Variants in CCDC50 observed in about 807,000 individuals in gnomAD.
CCDC50 encodes the protein coiled-coil domain containing 50, also known as coiled-coil domain-containing protein 50.
In CCDC50, 54 loss-of-function variants were observed where a neutral mutation model predicts 70.2. The ratio of observed to expected loss-of-function variants is 0.77; its 90% CI spans 0.62 to 0.96. The LOEUF is 0.96. CCDC50 is among the 50% of genes least tolerant of loss of function. The pLI is 0.00. For missense variants in CCDC50, 558 were observed against 578.7 expected (o/e 0.96, Z 0.37); for synonymous variants, 216 against 198.8 (o/e 1.09, Z -0.73).
At chr3:191,372,643 T>C (rs1295172197) in intron 5 of CCDC50, among the ~76,000 whole-genome samples, 2 of 152,286 alleles carry the variant, frequency 1.3e-5, no homozygotes, top group African/African-American at 4.8e-5. Flanking sequence ...ACTCAAACTT[T>C]AATACATTAT....
intron 9 of CCDC50, 69 bp from the exon 10 acceptor site, chr3:191,382,677 C>G (rs1392292629): frequency 1.0e-6 from 1 of 1,004,888 alleles, no homozygotes; most frequent in African/African-American, 1.6e-5. Context: ...TAATCTTTCC[C>G]TTTGTTTGAT....
rs570789529 is a variant in CCDC50, at chr3:191,378,039, A to C, written c.977-2120A>C. Among the ~76,000 whole-genome samples the C allele has an allele frequency of 1.6e-3, 241 of 152,226 alleles. 1 individual carries two copies. Among genetic ancestry groups the C allele is most frequent in the African/African-American group, 5.6e-3 (232 of 41,550 alleles). On this transcript the variant is annotated intron_variant, in intron 6 of 11. Coordinates refer to ENST00000392455, the MANE Select transcript of CCDC50 (RefSeq NM_178335.3). ...GTGAGTTCTTTTTCTATATCCTTAC[A>C]AAAATTTTTGTCACCTTGGGTCCAG... is the stretch of plus-strand genomic sequence containing the variant.
rs1713588471 is a variant in CCDC50, at chr3:191,388,903, A to G, written c.1323-593A>G. 3.4e-5 allele frequency among the ~76,000 whole-genome samples: 5 copies of G among 145,126 alleles called. No homozygotes were observed. In the Admixed American group the frequency reaches 3.5e-4, roughly 10 times the overall value. On this transcript the variant is annotated intron_variant, in intron 10 of 11. Coordinates refer to ENST00000392455, the MANE Select transcript of CCDC50 (RefSeq NM_178335.3). The stretch of plus-strand genomic sequence containing the variant: ...GTTAAGTAATTTTAATAAAAAGTTT[A>G]GAGTAGTAAAAATTATATCTTTTTT...
intron 4 of CCDC50, 83 bp downstream of exon 4, chr3:191,361,242 T>C: frequency 1.1e-6 from 1 of 935,748 alleles, no homozygotes; most frequent in Non-Finnish European, 1.8e-6. Context: ...GGTCACGGGC[T>C]CAATGAAGGG....
At chr3:191,364,229 C>T (rs1033305616) in intron 4 of CCDC50, among the ~76,000 whole-genome samples, 3 of 151,912 alleles carry the variant, frequency 2.0e-5, no homozygotes, top group Non-Finnish European at 2.9e-5. Context: ...GCACCACGTC[C>T]GGCTCATTTT....
At chr3:191,375,716 C>G in intron 6 of CCDC50, 127 bp downstream of exon 6, 1 of 989,320 alleles carries the variant, frequency 1.0e-6, no homozygotes, top group Non-Finnish European at 1.5e-6. Flanking sequence ...GAAATAAATC[C>G]TAGAGCAACA....
chr3:191,386,216 A>ATTTTT lies in CCDC50; in HGVS notation c.1323-3258_1323-3254dup, dbSNP rs76983981. 2.3e-3 allele frequency among the ~76,000 whole-genome samples: 294 copies of ATTTTT among 125,678 alleles called. 18 individuals are homozygous for ATTTTT. The highest frequency in any genetic ancestry group is 5.0e-3 in the East Asian group (18 of 3,608). 82.4% of individuals were successfully genotyped at this position (125,678 alleles called of 152,430 possible). ...GTGGATTGCTTTGTTTAGTATGGGC[A>ATTTTT]TTTTTTTTTTTTTTTTTTTTTTTTT... On this transcript the variant is annotated intron_variant, in intron 10 of 11. Transcript: ENST00000392455.
chr3:191,380,091 A>G, intron 6 of CCDC50, 68 bp from the exon 7 acceptor site: 1 of 987,286 alleles, frequency 1.0e-6, no homozygotes, highest in South Asian at 1.5e-5. Context: ...CTTTATCTTA[A>G]ATTTCTTAAC....
Position 191,394,564 on chromosome 3 carries a change from C to T in CCDC50, c.*2804C>T, listed in dbSNP as rs939710017. ...TTATGCTTTAATGTTGTGATGTAAA[C>T]TAATACTTCTGGCCTGGGAAAACCT... On this transcript the variant is annotated 3_prime_UTR_variant, in exon 12 of 12. Coordinates refer to ENST00000392455, the MANE Select transcript of CCDC50 (RefSeq NM_178335.3). The T allele has an allele frequency of 1.3e-5, 2 of 152,134 alleles. No homozygotes were observed. The highest frequency in any genetic ancestry group is 4.8e-5 in the African/African-American group (2 of 41,440). 9.4% of individuals were successfully genotyped at this position (152,134 alleles called of 1,614,324 possible).
chr3:191,359,528 T>C (rs1488581414), intron 3 of CCDC50, among the ~76,000 whole-genome samples: 2 of 152,214 alleles, frequency 1.3e-5, no homozygotes, highest in Non-Finnish European at 2.9e-5. Context: ...TTTTGGGATC[T>C]ATTCTGTAGA....
chr3:191,346,591 A>G (rs1337451953), intron 1 of CCDC50, among the ~76,000 whole-genome samples: 1 of 152,192 alleles, frequency 6.6e-6, no homozygotes, highest in Non-Finnish European at 1.5e-5. Context: ...TATAAAAATA[A>G]CAGACCTCAG....
Position 191,391,880 on chromosome 3 carries a change from G to A in CCDC50, c.*120G>A, listed in dbSNP as rs1713708136. ...TTGCATTCCTGGGATTTATCCTCAA[G>A]TGCATTTCTGACCATAAGTAATTTT... On this transcript the variant is annotated 3_prime_UTR_variant, in exon 12 of 12. Transcript: ENST00000392455. 3 of 858,918 alleles carry A rather than the reference G, an allele frequency of 3.5e-6. No individual in the cohort carries two copies. The highest frequency in any genetic ancestry group is 3.4e-5 in the African/African-American group (2 of 58,332). 53.2% of individuals were successfully genotyped at this position (858,918 alleles called of 1,614,324 possible). A position where few individuals can be genotyped will look rare whatever the true frequency, so the allele number is the denominator to read the frequency against.
Position 191,396,670 on chromosome 3 carries a change from C to T in CCDC50, c.*4910C>T, listed in dbSNP as rs868583664. On this transcript the variant is annotated 3_prime_UTR_variant, in exon 12 of 12. Coordinates refer to ENST00000392455, the MANE Select transcript of CCDC50 (RefSeq NM_178335.3). ...TTAACAGGGAAAAAAAAGGAGAAAA[C>T]CGAACAAAACAGAGACATTTACTTG... 1 of 152,150 alleles carries T rather than the reference C, an allele frequency of 6.6e-6. No individual in the cohort carries two copies. Among genetic ancestry groups the T allele is most frequent in the African/African-American group, 2.4e-5 (1 of 41,436 alleles). The allele number at this position is 152,150 out of a possible 1,614,324, so 9.4% of individuals were successfully genotyped here.
intron 9 of CCDC50, 107 bp downstream of exon 9, chr3:191,381,039 A>G: frequency 1.2e-6 from 1 of 850,430 alleles, no homozygotes; most frequent in South Asian, 1.6e-5. Context: ...ATATGAATAT[A>G]TAAATTATCT....
chr3:191,358,060 G>A lies in CCDC50; in HGVS notation c.175G>A (p.Ala59Thr). 1 of 1,613,992 alleles carries A rather than the reference G, an allele frequency of 6.2e-7. No individual in the cohort carries two copies. The highest frequency in any genetic ancestry group is 8.5e-7 in the Non-Finnish European group (1 of 1,179,918). Reference protein sequence around the residue: ...NRLVQHDLQVAKQLQEEDLKA... With the variant: ...NRLVQHDLQVTKQLQEEDLKA... Reference sequence around the variant, plus strand: ...TTTGGTCCAGCATGATCTCCAGGTGGCTAAGCAGCTCCAAGAGGAAGATCT... The same window carrying A: ...TTTGGTCCAGCATGATCTCCAGGTGACTAAGCAGCTCCAAGAGGAAGATCT... The change falls in exon 3 of 12, where the codon GCT becomes ACT. Residue 59 changes from alanine (A) to threonine (T), a missense_variant. By Grantham distance (58) the Ala-to-Thr change is moderately conservative. Coordinates refer to ENST00000392455, the MANE Select transcript of CCDC50 (RefSeq NM_178335.3).
At chr3:191,355,586 TCTTC>T (rs1576956985) in intron 1 of CCDC50, among the ~76,000 whole-genome samples, 1 of 152,320 alleles carries the variant, frequency 6.6e-6, no homozygotes, top group East Asian at 1.9e-4. Flanking sequence ...GAAAACCCCT[TCTTC>T]CTTCTGGCTT....
chr3:191,382,136 A>AG (rs1713340675), intron 9 of CCDC50, among the ~76,000 whole-genome samples: 1 of 152,168 alleles, frequency 6.6e-6, no homozygotes, highest in African/African-American at 2.4e-5. Flanking sequence ...TACCTTAACT[A>AG]GGAAAGGGTA....
At position 191,375,555 on chromosome 3, in the gene CCDC50, A is replaced by T. The variant is rs779591709; in HGVS notation, c.942A>T (p.Ser314=). The change falls in exon 6 of 12, where the codon TCA becomes TCT. Residue 314 remains serine (S), a synonymous_variant. Coordinates refer to ENST00000392455, the MANE Select transcript of CCDC50 (RefSeq NM_178335.3). ...ACAGGCCCAGGACTCCTCCATTCTCAGAGAGTGAGGAGCAGCTCCACCTCC... is the reference window on the plus strand; with the variant it reads ...ACAGGCCCAGGACTCCTCCATTCTCTGAGAGTGAGGAGCAGCTCCACCTCC... ...RRHRPRTPPF[S]ESEEQLHLHD... is the part of the protein sequence containing the mutation. 2.5e-6 allele frequency: 4 copies of T among 1,613,362 alleles called. No homozygotes were observed. Among genetic ancestry groups the T allele is most frequent in the Non-Finnish European group, 2.5e-6 (3 of 1,179,692 alleles).
At chr3:191,362,483 T>C (rs2108652544) in intron 4 of CCDC50, among the ~76,000 whole-genome samples, 1 of 152,326 alleles carries the variant, frequency 6.6e-6, no homozygotes, top group South Asian at 2.1e-4. Flanking sequence ...TATGCTACCC[T>C]GCTTTCACAC....
Sources: allele counts gnomAD v4.1 joint callset (sites outside exome capture counted in the v4.1 genomes callset), GRCh38; gene constraint gnomAD v4.1.1; transcripts MANE v1.5; gene names NCBI Gene and HGNC (gene_info 2026-07-23, HGNC 2026-07-21).